The following DNAH10 variants were observed in gnomAD, a reference collection of about 807,000 sequenced individuals.
DNAH10 encodes dynein axonemal heavy chain 10.
In DNAH10, 348 loss-of-function variants were observed where a neutral mutation model predicts 506.6. The ratio of observed to expected loss-of-function variants is 0.69; its 90% CI spans 0.63 to 0.75. The LOEUF (loss-of-function observed/expected upper bound fraction) is 0.75, where lower values mean the gene tolerates loss of function less well. Among genes scored for constraint, DNAH10 ranks in the 30% least tolerant of loss-of-function variants. The pLI is 0.00. For missense variants in DNAH10, 5,179 were observed against 5,787.1 expected, an observed-to-expected ratio of 0.89 and a Z score of 3.41; for synonymous variants, 2,059 against 2,198.6, an observed-to-expected ratio of 0.94 and a Z score of 1.78.
chr12:123,768,414 C>T (rs565956349), intron 2 of DNAH10, among the ~76,000 whole-genome samples: 23 of 152,274 alleles, frequency 1.5e-4, no homozygotes, highest in South Asian at 6.2e-4. Context: ...GGATTACAGG[C>T]GTGAGCCACC....
intron 5 of DNAH10, among the ~76,000 whole-genome samples, chr12:123,778,706 G>A (rs991775029): frequency 1.3e-5 from 2 of 151,038 alleles, no homozygotes; most frequent in African/African-American, 4.9e-5. Flanking sequence ...AAAAAAAAAA[G>A]AAAAAAAATA....
intron 21 of DNAH10, among the ~76,000 whole-genome samples, chr12:123,815,483 A>T (rs140148607): frequency 6.6e-6 from 1 of 152,104 alleles, no homozygotes; most frequent in African/African-American, 2.4e-5. Context: ...TTTCATTTTA[A>T]TTTTTAAATA....
rs770844089 is a variant in DNAH10 at position 123,851,095 on chromosome 12, G to A, written c.6291+19G>A. 20 of 1,580,680 alleles carry A rather than the reference G, an allele frequency of 1.3e-5. No homozygotes were observed. Among genetic ancestry groups the A allele is most frequent in the Middle Eastern group, 1.7e-4 (1 of 5,934 alleles). ...GGCCAAGGTGGGGGGCCTTGGCAGC[G>A]CCAGGTCGTGCAGTGCAGACTTCAC... On this transcript the variant is annotated intron_variant, in intron 35 of 78. Coordinates refer to ENST00000673944, the MANE Select transcript of DNAH10 (RefSeq NM_001372106.1).
At chr12:123,887,595 GC>G (rs748332571) in intron 52 of DNAH10, among the ~76,000 whole-genome samples, 21 of 152,150 alleles carry the variant, frequency 1.4e-4, no homozygotes, top group Non-Finnish European at 2.2e-4. Flanking sequence ...CCCGGGCTGT[GC>G]TAAGTGTGCA....
chr12:123,789,593 A>G (rs886836054), intron 10 of DNAH10, among the ~76,000 whole-genome samples: 10 of 152,164 alleles, frequency 6.6e-5, no homozygotes, highest in Non-Finnish European at 1.5e-4. Flanking sequence ...CATGTTTGCC[A>G]GGCTTGTCTT....
Position 123,909,471 on chromosome 12 carries a change from A to G in DNAH10, c.9997+29A>G. The G allele has an allele frequency of 6.6e-7, 1 of 1,524,278 alleles. No individual in the cohort carries two copies. The highest frequency in any genetic ancestry group is 8.8e-7 in the Non-Finnish European group (1 of 1,131,644). 94.4% of individuals were successfully genotyped at this position (1,524,278 alleles called of 1,614,324 possible). On this transcript the variant is annotated intron_variant, in intron 58 of 78. Transcript: ENST00000673944. The surrounding 1 kb of genome is among the most constrained non-coding windows in gnomAD (Gnocchi z 5.4). ...AGTGTAGCCACGTGTGGGAATCGCC[A>G]GGGTGGATCTCGGTCTGGCATCTCA... is the stretch of plus-strand genomic sequence containing the variant.
intron 5 of DNAH10, among the ~76,000 whole-genome samples, chr12:123,774,733 C>T (rs1209452299): frequency 6.6e-6 from 1 of 152,254 alleles, no homozygotes; most frequent in East Asian, 1.9e-4. Context: ...CGGTTTTCCA[C>T]CCTGGGCGGG....
At chr12:123,840,057 CTT>C (rs953908068) in intron 29 of DNAH10, among the ~76,000 whole-genome samples, 3 of 151,990 alleles carry the variant, frequency 2.0e-5, no homozygotes, top group Non-Finnish European at 4.4e-5. Flanking sequence ...CTGGATGACT[CTT>C]TGCTGTGGCT....
intron 69 of DNAH10, chr12:123,927,035 T>A: frequency 1.7e-6 from 1 of 593,772 alleles, no homozygotes; most frequent in Admixed American, 3.5e-5. Flanking sequence ...GCTGTTTTCT[T>A]TTTTTTTCCT....
At position 123,841,379 on chromosome 12, in the gene DNAH10, G is replaced by A; in HGVS notation, c.5194G>A (p.Val1732Met). The A allele has an allele frequency of 6.2e-7, 1 of 1,614,016 alleles. No homozygotes were observed. The highest frequency in any genetic ancestry group is 8.5e-7 in the Non-Finnish European group (1 of 1,179,906). Residue 1732 changes from valine (V) to methionine (M), a missense_variant, in exon 30 of 79, where the codon GTG becomes ATG. Val to Met is a conservative substitution (Grantham distance 21). Coordinates refer to ENST00000673944, the MANE Select transcript of DNAH10 (RefSeq NM_001372106.1). ...TGACGGCGATAGTGGAGAAAAACTG[G>A]TGTCCGCGATGATTTCAGCAGAAGG... is the stretch of plus-strand genomic sequence containing the variant. ...FNDGDSGEKL[V>M]SAMISAEGEV...
chr12:123,804,200 A>AT (rs1481601298), intron 17 of DNAH10, among the ~76,000 whole-genome samples: 2 of 151,556 alleles, frequency 1.3e-5, no homozygotes, highest in Admixed American at 6.6e-5. Flanking sequence ...AGCTAGTTGT[A>AT]TTTTTTATGG....
In DNAH10 at chr12:123,789,991, G is replaced by GC. The variant is rs2136217565; in HGVS notation, c.1686dup (p.Ile563HisfsTer2). ...AAGGCAGTGACGGGGGACCCCAAGC[G>GC]CATTGATGATGTCCTATGCAGAGTG... On this transcript the variant is annotated frameshift_variant, in exon 11 of 79. Transcript: ENST00000673944. LOFTEE classifies it high-confidence loss of function. The GC allele has an allele frequency of 1.2e-6, 2 of 1,614,120 alleles. No individual in the cohort carries two copies. Among genetic ancestry groups the GC allele is most frequent in the East Asian group, 4.5e-5 (2 of 44,886 alleles).
At chr12:123,920,665 G>A (rs1162025866) in intron 65 of DNAH10, among the ~76,000 whole-genome samples, 1 of 152,172 alleles carries the variant, frequency 6.6e-6, no homozygotes, top group Non-Finnish European at 1.5e-5. Flanking sequence ...TGTCTTATAT[G>A]TCATGTTTCA....
intron 62 of DNAH10, among the ~76,000 whole-genome samples, chr12:123,915,542 C>G (rs140249421): frequency 0.016 from 2,216 of 138,046 alleles, 30 homozygotes; most frequent in Middle Eastern, 0.04. Context: ...TCTCCCTCCC[C>G]GAGCCCCTGG....
Position 123,928,559 on chromosome 12 carries a change from C to T in DNAH10, c.12278C>T (p.Pro4093Leu). The T allele has an allele frequency of 1.9e-6, 3 of 1,607,512 alleles. No individual in the cohort carries two copies. Among genetic ancestry groups the T allele is most frequent in the Non-Finnish European group, 2.5e-6 (3 of 1,177,008 alleles). ...WLTTDPTKGFPIGILQKSLKV... is the reference protein window; with the variant it reads ...WLTTDPTKGFLIGILQKSLKV... Reference sequence around the variant, plus strand: ...ACCACGGACCCCACCAAGGGCTTCCCCATTGGGATTCTGCAGAAGTCCCTA... The same window carrying T: ...ACCACGGACCCCACCAAGGGCTTCCTCATTGGGATTCTGCAGAAGTCCCTA... The change falls in exon 70 of 79, where the codon CCC becomes CTC. Residue 4093 changes from proline to leucine, a missense_variant. Pro to Leu is a moderately conservative substitution (Grantham distance 98). This residue lies in a region of DNAH10 where 4,844 missense variants were observed against 5,430.5 expected (regional missense o/e 0.89). Coordinates refer to ENST00000673944, the MANE Select transcript of DNAH10 (RefSeq NM_001372106.1). The surrounding 1 kb of genome is among the most constrained non-coding windows in gnomAD (Gnocchi z 4.9).
At position 123,925,286 on chromosome 12, in the gene DNAH10, A is replaced by G; in HGVS notation, c.11921+82A>G. On this transcript the variant is annotated intron_variant, in intron 68 of 78. Transcript: ENST00000673944. This position sits in a 1 kb window ranked among gnomAD's most constrained non-coding sequence, Gnocchi z 4.0. ...CTCCCACCTTGGACTCAAAGAAAGC[A>G]GAGGCTGACCAGCTCCCGAGACAGC... 1 of 1,591,898 alleles carries G rather than the reference A, an allele frequency of 6.3e-7. No homozygotes were observed. Among genetic ancestry groups the G allele is most frequent in the Non-Finnish European group, 8.6e-7 (1 of 1,164,784 alleles).
chr12:123,839,384 C>A (rs752796133), intron 29 of DNAH10, among the ~76,000 whole-genome samples: 9 of 152,114 alleles, frequency 5.9e-5, no homozygotes, highest in Non-Finnish European at 1.0e-4. Context: ...GTTCCTTGAT[C>A]TCTCTGGACA....
chr12:123,792,891 T>G (rs146726162), intron 11 of DNAH10, among the ~76,000 whole-genome samples: 189 of 152,358 alleles, frequency 1.2e-3, no homozygotes, highest in African/African-American at 4.0e-3. Context: ...CTCCTTCGTT[T>G]TGCTGGAGCA....
In DNAH10 at chr12:123,841,453, G is replaced by A; in HGVS notation, c.5268G>A (p.Glu1756=). Residue 1756 remains glutamate (E), a synonymous_variant, in exon 30 of 79, where the codon GAG becomes GAA. Coordinates refer to ENST00000673944, the MANE Select transcript of DNAH10 (RefSeq NM_001372106.1). ...TCTTGCGGGCTGAAGGGCGCGTGGAGGACTGGATGACGGCAGTTTTGAATG... is the reference window on the plus strand; with the variant it reads ...TCTTGCGGGCTGAAGGGCGCGTGGAAGACTGGATGACGGCAGTTTTGAATG... ...RKILRAEGRV[E]DWMTAVLNEM... is the part of the protein sequence containing the mutation. 6.2e-7 allele frequency: 1 copy of A among 1,613,982 alleles called. No individual in the cohort carries two copies. The highest frequency in any genetic ancestry group is 8.5e-7 in the Non-Finnish European group (1 of 1,179,904).
Sources: gnomAD v4.1 joint callset for allele counts (sites outside exome capture counted in the v4.1 genomes callset) on GRCh38, gnomAD v4.1.1 for gene constraint, gnomAD v4.1.1 regional missense constraint, Gnocchi (gnomAD v3.1) non-coding constraint, MANE v1.5 for transcripts, NCBI Gene and HGNC (gene_info 2026-07-23, HGNC 2026-07-21) for gene names.